The following COL22A1 variants were observed in gnomAD, a reference collection of about 807,000 sequenced individuals.
The protein encoded by COL22A1 is collagen type XXII alpha 1 chain, also known as collagen alpha-1(XXII) chain.
A neutral mutation model predicts 248.9 loss-of-function variants in COL22A1; 221 were observed. The ratio of observed to expected loss-of-function variants is 0.89; its 90% confidence interval spans 0.80 to 0.99. The LOEUF is 0.99. Among genes scored for constraint, COL22A1 ranks in the 50% least tolerant of loss-of-function variants. COL22A1 has a pLI of 0.00. For synonymous variants in COL22A1, 891 were observed against 793.4 expected (o/e 1.12, Z -2.07); for missense variants, 2,240 against 2,179.0 (o/e 1.03, Z -0.56).
chr8:138,715,187 G>A (rs1363865938), intron 30 of COL22A1, among the ~76,000 whole-genome samples: 1 of 152,136 alleles, frequency 6.6e-6, no homozygotes, highest in Non-Finnish European at 1.5e-5. Flanking sequence ...TAAAGTTTGA[G>A]GTTTATGTCT....
chr8:138,740,366 T>A (rs948289632), intron 22 of COL22A1, among the ~76,000 whole-genome samples: 5 of 152,180 alleles, frequency 3.3e-5, no homozygotes, highest in Non-Finnish European at 7.3e-5. Context: ...CTGAGCAGAA[T>A]GACTCATTAA....
intron 23 of COL22A1, among the ~76,000 whole-genome samples, chr8:138,729,481 T>G (rs1440192055): frequency 6.6e-6 from 1 of 152,108 alleles, no homozygotes; most frequent in African/African-American, 2.4e-5. Flanking sequence ...GCTGTACACT[T>G]CGGAAAGAGA....
chr8:138,632,226 C>G (rs1203082446), intron 49 of COL22A1, among the ~76,000 whole-genome samples: 1 of 152,146 alleles, frequency 6.6e-6, no homozygotes, highest in African/African-American at 2.4e-5. Context: ...TCTTAGAGTT[C>G]GAGTTCCTGA....
In COL22A1 at chr8:138,821,256, G is replaced by A. The variant is rs571522579; in HGVS notation, c.1125C>T (p.Asn375=). 1.7e-5 allele frequency: 27 copies of A among 1,614,118 alleles called. No individual in the cohort carries two copies. Among genetic ancestry groups the A allele is most frequent in the African/African-American group, 6.7e-5 (5 of 74,934 alleles). ...GCGCACAGTCAATGTGCAGGGAGACGTTCTGGGCCTGGATGCTCAGGGCCA... is the reference window on the plus strand; with the variant it reads ...GCGCACAGTCAATGTGCAGGGAGACATTCTGGGCCTGGATGCTCAGGGCCA... The part of the protein sequence containing the change: ...HKMALSIQAQ[N]VSLHIDCALV... Residue 375 remains asparagine, a synonymous_variant, in exon 7 of 65, where the codon AAC becomes AAT. Coordinates refer to ENST00000303045, the MANE Select transcript of COL22A1 (RefSeq NM_152888.3).
At chr8:138,830,060 A>G (rs538305301) in intron 5 of COL22A1, among the ~76,000 whole-genome samples, 1 of 152,394 alleles carries the variant, frequency 6.6e-6, no homozygotes, top group South Asian at 2.1e-4. Flanking sequence ...GATCATTAAC[A>G]GAAAACATCT....
At chr8:138,836,823 G>T (rs372812324) in intron 4 of COL22A1, among the ~76,000 whole-genome samples, 3 of 152,188 alleles carry the variant, frequency 2.0e-5, no homozygotes, top group African/African-American at 7.2e-5. Context: ...GCAATTGTAC[G>T]CAGTGAAGAA....
At chr8:138,676,273 G>A (rs1003695215) in intron 41 of COL22A1, among the ~76,000 whole-genome samples, 2 of 141,150 alleles carry the variant, frequency 1.4e-5, no homozygotes, top group African/African-American at 5.0e-5. Context: ...GCAGGCACCT[G>A]TAATCTCCGT....
At chr8:138,613,731 C>A in intron 56 of COL22A1, 136 bp downstream of exon 56, 1 of 836,106 alleles carries the variant, frequency 1.2e-6, no homozygotes, top group South Asian at 1.4e-5. Flanking sequence ...AGGGGGGCAG[C>A]TATTTACCAA....
Position 138,807,807 on chromosome 8 carries a change from T to G in COL22A1, c.1455A>C (p.Glu485Asp). ...GCCCCATGGGGCCAGCAACTCCCAT[T>G]TCACCCTAAAAGAAGAAAGACAACA... ...NCSCPAGEKG[E>D]MGVAGPMGLP... The change falls in exon 10 of 65, where the codon GAA (glutamate) becomes GAC (aspartate). Residue 485 changes from glutamate to aspartate, a missense_variant. Transcript: ENST00000303045. 6.2e-7 allele frequency: 1 copy of G among 1,613,948 alleles called. No individual in the cohort carries two copies. The highest frequency in any genetic ancestry group is 8.5e-7 in the Non-Finnish European group (1 of 1,179,884).
At chr8:138,621,158 TG>T (rs1819771824) in intron 52 of COL22A1, among the ~76,000 whole-genome samples, 1 of 152,222 alleles carries the variant, frequency 6.6e-6, no homozygotes, top group African/African-American at 2.4e-5. Flanking sequence ...CCACATCCCC[TG>T]GGGCCCACCC....
intron 16 of COL22A1, among the ~76,000 whole-genome samples, chr8:138,769,867 A>G (rs980845823): frequency 6.6e-6 from 1 of 152,180 alleles, no homozygotes; most frequent in Non-Finnish European, 1.5e-5. Context: ...AGAGGTGCCC[A>G]TGTCTGCAGG....
intron 9 of COL22A1, among the ~76,000 whole-genome samples, chr8:138,808,418 T>C (rs1191383741): frequency 6.6e-6 from 1 of 152,232 alleles, no homozygotes; most frequent in African/African-American, 2.4e-5. Flanking sequence ...TTTACCTGAA[T>C]ATATCATCAC....
chr8:138,662,457 G>A (rs1824051210), intron 42 of COL22A1, among the ~76,000 whole-genome samples: 1 of 152,146 alleles, frequency 6.6e-6, no homozygotes, highest in Non-Finnish European at 1.5e-5. Context: ...TAACTAGGTG[G>A]TTAAAGAAGT....
At chr8:138,892,432 T>C (rs28363936) in intron 1 of COL22A1, among the ~76,000 whole-genome samples, 147,013 of 152,288 alleles carry the variant, frequency 0.97, 71,009 homozygotes, top group East Asian at 1. Context: ...GGCCCTGGCA[T>C]AGAGTAGGTG....
intron 52 of COL22A1, chr8:138,620,550 C>T (rs916270417): frequency 1.6e-4 from 24 of 152,294 alleles, no homozygotes; most frequent in African/African-American, 5.5e-4. Context: ...TGGGACAGTC[C>T]TCCCTTGTAG....
At chr8:138,711,287 G>A (rs1239564849) in intron 30 of COL22A1, among the ~76,000 whole-genome samples, 1 of 152,208 alleles carries the variant, frequency 6.6e-6, no homozygotes, top group Admixed American at 6.5e-5. Flanking sequence ...CAGGGGACGT[G>A]AAGGGAGAAG....
chr8:138,855,327 A>C (rs931381750), intron 3 of COL22A1, among the ~76,000 whole-genome samples: 7 of 152,226 alleles, frequency 4.6e-5, no homozygotes, highest in African/African-American at 1.7e-4. Flanking sequence ...GAAATAAGGC[A>C]CAGAGAGGTA....
At chr8:138,859,771 G>C (rs548668110) in intron 3 of COL22A1, among the ~76,000 whole-genome samples, 11 of 152,296 alleles carry the variant, frequency 7.2e-5, no homozygotes, top group Middle Eastern at 3.4e-3. Context: ...GCATGCTAAG[G>C]GATGGGCATC....
chr8:138,614,072 A>G, intron 55 of COL22A1, 152 bp from the exon 56 acceptor site: 2 of 674,148 alleles, frequency 3.0e-6, no homozygotes, highest in Non-Finnish European at 2.7e-6. Flanking sequence ...CCATTATTCC[A>G]AATATGGACA....
Sources: allele counts gnomAD v4.1 joint callset (sites outside exome capture counted in the v4.1 genomes callset), GRCh38; gene constraint gnomAD v4.1.1; transcripts MANE v1.5; gene names NCBI Gene and HGNC (gene_info 2026-07-23, HGNC 2026-07-21).